ZNF487: variants seen among roughly 807,000 people sequenced by gnomAD.
ZNF487 encodes the protein zinc finger protein 487.
A neutral mutation model predicts 3.0 loss-of-function variants in ZNF487; 4 were observed. The ratio of observed to expected loss-of-function variants is 1.35; its 90% CI spans 0.66 to 3.08. The LOEUF is 3.08. ZNF487 is among the 30% of genes most tolerant of loss of function. The probability of loss-of-function intolerance (pLI) is 0.01; values close to 1 mark genes in which losing one functional copy is unlikely to be tolerated. For synonymous variants in ZNF487, 55 were observed against 34.6 expected (o/e 1.59, Z -2.06); for missense variants, 146 against 98.7 (o/e 1.48, Z -2.03).
At chr10:43,506,584 A>C in the ZNF487 span, among the ~76,000 whole-genome samples, 1 of 152,188 alleles carries the variant, frequency 6.6e-6, no homozygotes, top group Non-Finnish European at 1.5e-5. Flanking sequence ...GTTTCCTGCC[A>C]GCTCTCAGAA....
chr10:43,479,967 TTTC>T (rs764819979), intron 3 of ZNF487, among the ~76,000 whole-genome samples: 1 of 41,750 alleles, frequency 2.4e-5, no homozygotes, highest in South Asian at 7.6e-4. Context: ...TCTTTCTTTC[TTTC>T]TTTTCTTTCT....
intron 1 of ZNF487, chr10:43,452,462 C>T (rs2132063673): frequency 6.6e-6 from 1 of 152,350 alleles, no homozygotes; most frequent in East Asian, 1.9e-4. Flanking sequence ...CGTGCAGGGC[C>T]CTGATCACAG....
At chr10:43,436,893 T>C (rs1564408373), upstream of ZNF487, 1 of 469,200 alleles carries the variant, frequency 2.1e-6, no homozygotes, top group East Asian at 7.0e-5. Context: ...TTCGCTTTCG[T>C]GGGGAAGCCG....
At chr10:43,515,629 A>C in the ZNF487 span, among the ~76,000 whole-genome samples, 3 of 152,128 alleles carry the variant, frequency 2.0e-5, no homozygotes, top group African/African-American at 4.8e-5. Flanking sequence ...CTTTTGTTGC[A>C]TGTCAGCCAC....
the ZNF487 span, among the ~76,000 whole-genome samples, chr10:43,506,919 G>T: frequency 6.6e-6 from 1 of 152,200 alleles, no homozygotes; most frequent in African/African-American, 2.4e-5. Flanking sequence ...CTGGTGAGCT[G>T]TAATTAACTG....
chr10:43,479,971 T>TTTCTTTTCTTTCTTTCTTTC (rs1184173278), intron 3 of ZNF487, among the ~76,000 whole-genome samples: 2 of 125,120 alleles, frequency 1.6e-5, no homozygotes, highest in African/African-American at 3.5e-5. Flanking sequence ...TCTTTCTTTC[T>TTTCTTTTCTTTCTTTCTTTC]TTTCTTTCTT....
the ZNF487 span, among the ~76,000 whole-genome samples, chr10:43,490,468 G>GT: frequency 8.2e-6 from 1 of 122,148 alleles, no homozygotes; most frequent in African/African-American, 3.1e-5. Flanking sequence ...AGTTCTTACT[G>GT]TTATAGCCTG....
At chr10:43,508,533 G>T in the ZNF487 span, among the ~76,000 whole-genome samples, 5 of 152,220 alleles carry the variant, frequency 3.3e-5, no homozygotes, top group African/African-American at 1.2e-4. Flanking sequence ...ATCGGGCTGG[G>T]CACGGTGGCT....
At chr10:43,462,848 T>C (rs1381253157) in intron 1 of ZNF487, among the ~76,000 whole-genome samples, 1 of 151,788 alleles carries the variant, frequency 6.6e-6, no homozygotes, top group Non-Finnish European at 1.5e-5. Context: ...TAGCTCATTG[T>C]AACCTTGAAC....
intron 1 of ZNF487, among the ~76,000 whole-genome samples, chr10:43,456,707 A>G (rs1274751435): frequency 3.3e-5 from 5 of 151,990 alleles, no homozygotes; most frequent in Admixed American, 6.6e-5. Flanking sequence ...CAGCCTCCAG[A>G]GTAGCTGAGA....
intron 3 of ZNF487, among the ~76,000 whole-genome samples, chr10:43,479,956 C>T (rs891313220): frequency 7.1e-5 from 4 of 55,998 alleles, no homozygotes; most frequent in Non-Finnish European, 1.9e-4. Flanking sequence ...GCACCTGACT[C>T]TCTTTCTTTC....
At chr10:43,504,599 T>C in the ZNF487 span, among the ~76,000 whole-genome samples, 1 of 151,988 alleles carries the variant, frequency 6.6e-6, no homozygotes, top group Non-Finnish European at 1.5e-5. Context: ...CCGGCACATG[T>C]TTTCTTATGT....
At chr10:43,513,537 T>A in the ZNF487 span, among the ~76,000 whole-genome samples, 1 of 152,184 alleles carries the variant, frequency 6.6e-6, no homozygotes, top group Non-Finnish European at 1.5e-5. Context: ...AAGTCCTTGG[T>A]AGTAGCACTA....
intron 1 of ZNF487, among the ~76,000 whole-genome samples, chr10:43,448,564 C>G (rs1197596128): frequency 6.6e-6 from 1 of 151,776 alleles, no homozygotes; most frequent in East Asian, 2.0e-4. Flanking sequence ...GCCTGTAATC[C>G]CAGCACATTG....
At chr10:43,454,253 TG>T (rs774198720) in intron 1 of ZNF487, 9 of 152,228 alleles carry the variant, frequency 5.9e-5, no homozygotes, top group Non-Finnish European at 1.2e-4. Context: ...GGTTTCACCA[TG>T]TTGCCCAGGC....
At chr10:43,486,964 T>C (rs1841476349), downstream of ZNF487, among the ~76,000 whole-genome samples, 1 of 152,182 alleles carries the variant, frequency 6.6e-6, no homozygotes, top group African/African-American at 2.4e-5. Context: ...TTTCTAAATA[T>C]CTTAAACTTA....
intron 1 of ZNF487, among the ~76,000 whole-genome samples, chr10:43,456,491 G>C (rs1440809772): frequency 6.6e-6 from 1 of 152,190 alleles, no homozygotes; most frequent in Non-Finnish European, 1.5e-5. Context: ...CTAAGGCTAG[G>C]GTTAGGCTTG....
chr10:43,517,409 C>G, the ZNF487 span, among the ~76,000 whole-genome samples: 1 of 152,218 alleles, frequency 6.6e-6, no homozygotes, highest in South Asian at 2.1e-4. Context: ...TTCCCTTCAA[C>G]AAAAGGCTTT....
intron 1 of ZNF487, among the ~76,000 whole-genome samples, chr10:43,468,921 A>G (rs1219276307): frequency 7.1e-6 from 1 of 140,428 alleles, no homozygotes; most frequent in Non-Finnish European, 1.5e-5. Flanking sequence ...CCCAGGAGGC[A>G]GCGCTTGCAG....
Sources: gnomAD v4.1 joint callset for allele counts (sites outside exome capture counted in the v4.1 genomes callset) on GRCh38, gnomAD v4.1.1 for gene constraint, MANE v1.5 for transcripts, NCBI Gene and HGNC (gene_info 2026-07-23, HGNC 2026-07-21) for gene names.